ALG12: variants seen among roughly 807,000 people sequenced by gnomAD.
ALG12 encodes the protein ALG12 alpha-1,6-mannosyltransferase, also known as dol-P-Man:Man(7)GlcNAc(2)-PP-Dol alpha-1,6-mannosyltransferase.
A neutral mutation model predicts 46.0 loss-of-function variants in ALG12; 36 were observed. The ratio of observed to expected loss-of-function variants is 0.78; its 90% CI spans 0.60 to 1.03. ALG12 has a LOEUF of 1.03. Ranked by LOEUF, ALG12 falls within the 50% of genes least tolerant of loss-of-function variation. ALG12 has a pLI of 0.00. For synonymous variants in ALG12, 326 were observed against 291.6 expected (o/e 1.12, Z -1.20); for missense variants, 599 against 633.5 (o/e 0.95, Z 0.58).
At chr22:49,885,539 A>C in the ALG12 span, 1 of 1,607,112 alleles carries the variant, frequency 6.2e-7, no homozygotes, top group Admixed American at 1.7e-5. Context: ...TCCTCTCCGG[A>C]CACCCGGGTG....
intron 4 of ALG12, 142 bp from the exon 5 acceptor site, chr22:49,910,230 C>T: frequency 8.4e-7 from 1 of 1,194,012 alleles, no homozygotes; most frequent in Non-Finnish European, 1.2e-6. Context: ...CAGAGCCGCT[C>T]CCCGCACCTA....
In ALG12 at chr22:49,903,844, C is replaced by T. The variant is rs541941913; in HGVS notation, c.1461G>A (p.Pro487=). The T allele has an allele frequency of 2.2e-5, 36 of 1,614,184 alleles. No homozygotes were observed. Among genetic ancestry groups the T allele is most frequent in the South Asian group, 7.7e-5 (7 of 91,086 alleles). Residue 487 remains proline, a synonymous_variant, in exon 10 of 10, where the codon CCG becomes CCA. Coordinates refer to ENST00000330817, the MANE Select transcript of ALG12 (RefSeq NM_024105.4). ...GAGGGCTGCCTGGTCCCCCTCAGGA[C>T]GGCCGGGGGAGCCTCTCCAGAAGCA... ...KLVLLERLPR[P]S
Position 49,906,553 on chromosome 22 carries a change from C to A in ALG12, c.992+1168G>T, listed in dbSNP as rs1352501150. Among the ~76,000 whole-genome samples the A allele has an allele frequency of 6.6e-6, 1 of 152,168 alleles. No individual in the cohort carries two copies. On this transcript the variant is annotated intron_variant, in intron 7 of 9. Coordinates refer to ENST00000330817, the MANE Select transcript of ALG12 (RefSeq NM_024105.4). This position sits in a 1 kb window ranked among gnomAD's most constrained non-coding sequence, Gnocchi z 4.4. Reference sequence around the variant, plus strand: ...GCGGGGCAGTCGGAGCTGGGGGGCACCATCCCCTCCCCTGTAACAAGTGGC... The same window carrying A: ...GCGGGGCAGTCGGAGCTGGGGGGCAACATCCCCTCCCCTGTAACAAGTGGC...
At position 49,903,356 on chromosome 22, in the gene ALG12, G is replaced by A. The variant is rs1293872633; in HGVS notation, c.*482C>T. The A allele has an allele frequency of 8.7e-6, 4 of 458,012 alleles. No homozygotes were observed. The highest frequency in any genetic ancestry group is 4.7e-5 in the Admixed American group (2 of 42,576). 28.4% of individuals were successfully genotyped at this position (458,012 alleles called of 1,614,324 possible). A position where few individuals can be genotyped will look rare whatever the true frequency, so the allele number is the denominator to read the frequency against. ...AGTTGCAGTGGTGGCACCAGGGTGGGGGGGTGCGGCCGGGGCCACCATGGT... is the reference window on the plus strand; with the variant it reads ...AGTTGCAGTGGTGGCACCAGGGTGGAGGGGTGCGGCCGGGGCCACCATGGT... On this transcript the variant is annotated 3_prime_UTR_variant, in exon 10 of 10. Transcript: ENST00000330817.
Position 49,909,285 on chromosome 22 carries a change from G to C in ALG12, c.727C>G (p.Leu243Val). 6.2e-7 allele frequency: 1 copy of C among 1,614,248 alleles called. No homozygotes were observed. Among genetic ancestry groups the C allele is most frequent in the Middle Eastern group, 1.6e-4 (1 of 6,062 alleles). The change falls in exon 6 of 10, where the codon CTT (leucine) becomes GTT (valine). Residue 243 changes from leucine (L) to valine (V), a missense_variant. Coordinates refer to ENST00000330817, the MANE Select transcript of ALG12 (RefSeq NM_024105.4). ...TTGTTCAGGACAGTGTTGTACCAAAGCACCTTTCCTTCCGGCCAAGTGAGC... is the reference window on the plus strand; with the variant it reads ...TTGTTCAGGACAGTGTTGTACCAAACCACCTTTCCTTCCGGCCAAGTGAGC... Reference protein sequence around the residue: ...RQLTWPEGKVLWYNTVLNKSS... With the variant: ...RQLTWPEGKVVWYNTVLNKSS...
chr22:49,907,309 G>A (rs554987378), intron 7 of ALG12, among the ~76,000 whole-genome samples: 2 of 152,298 alleles, frequency 1.3e-5, no homozygotes, highest in East Asian at 3.9e-4. Context: ...GACCGCTGGT[G>A]CATCACCATA....
At chr22:49,865,339 T>C in the ALG12 span, among the ~76,000 whole-genome samples, 1 of 151,990 alleles carries the variant, frequency 6.6e-6, no homozygotes, top group Non-Finnish European at 1.5e-5. Context: ...GTGCAGCACG[T>C]GACTGTGTGT....
chr22:49,913,023 T>C (rs952664490), intron 3 of ALG12, among the ~76,000 whole-genome samples: 3 of 152,212 alleles, frequency 2.0e-5, no homozygotes, highest in Admixed American at 1.3e-4. Context: ...GTTTGTAACA[T>C]TCCCCAAGGC....
the ALG12 span, chr22:49,883,601 A>C: frequency 2.0e-5 from 29 of 1,466,786 alleles, no homozygotes; most frequent in Non-Finnish European, 2.6e-5. Context: ...CGGGGGCACA[A>C]ATGAGCACTT....
the ALG12 span, chr22:49,885,052 C>G: frequency 6.2e-7 from 1 of 1,612,068 alleles, no homozygotes; most frequent in Non-Finnish European, 8.5e-7. Flanking sequence ...GGTCTGGCAT[C>G]ACTTCTCCCT....
In ALG12 at chr22:49,906,453, G is replaced by A. The variant is rs114143073; in HGVS notation, c.992+1268C>T. Among the ~76,000 whole-genome samples the A allele has an allele frequency of 2.2e-3, 338 of 152,078 alleles. 3 individuals carry two copies. The highest frequency in any genetic ancestry group is 6.2e-3 in the South Asian group (30 of 4,812). ...CCAGAGGAGCCCCCAACCCAGGCAC[G>A]GCCACGGCAGCCGGAGGAACCCCCA... is the stretch of plus-strand genomic sequence containing the variant. On this transcript the variant is annotated intron_variant, in intron 7 of 9. Coordinates refer to ENST00000330817, the MANE Select transcript of ALG12 (RefSeq NM_024105.4). The surrounding 1 kb of genome is among the most constrained non-coding windows in gnomAD (Gnocchi z 4.4).
rs1491571172 is a variant in ALG12 at position 49,902,970 on chromosome 22, ACT to A, written c.*866_*867del. The A allele has an allele frequency of 4.4e-5, 14 of 321,022 alleles. 2 individuals are homozygous for A. The highest frequency in any genetic ancestry group is 1.5e-4 in the Admixed American group (3 of 20,286). The allele number at this position is 321,022 out of a possible 1,614,324, so 19.9% of individuals were successfully genotyped here. On this transcript the variant is annotated 3_prime_UTR_variant, in exon 10 of 10. Transcript: ENST00000330817. ...GTATGCATGGTGTGTGCACGTGTGC[ACT>A]GTGTGCATGCGTGTGTGGTGTGTGT...
the ALG12 span, among the ~76,000 whole-genome samples, chr22:49,865,877 T>TC: frequency 1.9e-4 from 28 of 151,308 alleles, no homozygotes; most frequent in African/African-American, 6.1e-4. Context: ...TTTTTTTTTT[T>TC]CCCTTTAATT....
the ALG12 span, chr22:49,886,113 G>T: frequency 1.5e-6 from 1 of 682,254 alleles, no homozygotes; most frequent in Non-Finnish European, 2.7e-6. The surrounding 1 kb of genome is among the most constrained non-coding windows in gnomAD (Gnocchi z 7.7). Flanking sequence ...GGAAGACGCT[G>T]AACGAGGGGG....
At chr22:49,865,113 C>A in the ALG12 span, among the ~76,000 whole-genome samples, 18 of 152,052 alleles carry the variant, frequency 1.2e-4, no homozygotes, top group Non-Finnish European at 2.5e-4. Context: ...GTTGTGTGAA[C>A]CTCATAGAGT....
In ALG12 at chr22:49,900,934, T is replaced by C. The variant is rs1274573139; in HGVS notation, c.*2904A>G. 1 of 152,188 alleles carries C rather than the reference T, an allele frequency of 6.6e-6. No individual in the cohort carries two copies. The highest frequency in any genetic ancestry group is 1.5e-5 in the Non-Finnish European group (1 of 68,060). The allele number at this position is 152,188 out of a possible 1,614,324, so 9.4% of individuals were successfully genotyped here. On this transcript the variant is annotated 3_prime_UTR_variant, in exon 10 of 10. Transcript: ENST00000330817. ...TCTAGATCCCGGTCTCTAACGCTGTTCCCCACCAAAGGGAGCCAAGACCCA... is the reference window on the plus strand; with the variant it reads ...TCTAGATCCCGGTCTCTAACGCTGTCCCCCACCAAAGGGAGCCAAGACCCA...
At chr22:49,868,998 C>T in the ALG12 span, among the ~76,000 whole-genome samples, 3 of 151,488 alleles carry the variant, frequency 2.0e-5, no homozygotes, top group African/African-American at 7.3e-5. Context: ...ATGGTGTATG[C>T]CTGTAATCCG....
At position 49,904,032 on chromosome 22, in the gene ALG12, C is replaced by T; in HGVS notation, c.1273G>A (p.Gly425Ser). ...DKREDVQPGT[G>S]MLAYTHILME... is the part of the protein sequence containing the mutation. Reference sequence around the variant, plus strand: ...AGGATGTGTGTGTATGCCAGCATGCCTGTCCCCGGCTGCACATCCTCCCTC... The same window carrying T: ...AGGATGTGTGTGTATGCCAGCATGCTTGTCCCCGGCTGCACATCCTCCCTC... The change falls in exon 10 of 10, where the codon GGC (glycine) becomes AGC (serine). Residue 425 changes from glycine (G) to serine (S), a missense_variant. Gly to Ser is a moderately conservative substitution (Grantham distance 56). Coordinates refer to ENST00000330817, the MANE Select transcript of ALG12 (RefSeq NM_024105.4). The T allele has an allele frequency of 6.2e-7, 1 of 1,614,208 alleles. No individual in the cohort carries two copies. The highest frequency in any genetic ancestry group is 8.5e-7 in the Non-Finnish European group (1 of 1,180,014).
the ALG12 span, chr22:49,885,963 G>A: frequency 1.7e-5 from 12 of 718,006 alleles, no homozygotes; most frequent in Admixed American, 1.1e-4. Flanking sequence ...ACCACTGCTC[G>A]GCGCTGTTGG....
Sources: allele counts gnomAD v4.1 joint callset (sites outside exome capture counted in the v4.1 genomes callset), GRCh38; gene constraint gnomAD v4.1.1; non-coding constraint Gnocchi (gnomAD v3.1); transcripts MANE v1.5; gene names NCBI Gene and HGNC (gene_info 2026-07-23, HGNC 2026-07-21).